The following PTPRD variants were observed in gnomAD, a reference collection of about 807,000 sequenced individuals.
PTPRD encodes the protein receptor-type tyrosine-protein phosphatase delta.
A neutral mutation model predicts 214.5 loss-of-function variants in PTPRD; 34 were observed. The observed-to-expected ratio is 0.16, with a 90% CI of 0.12 to 0.21. The LOEUF (loss-of-function observed/expected upper bound fraction) is 0.21. Among genes scored for constraint, PTPRD ranks in the 10% least tolerant of loss-of-function variants. The probability of loss-of-function intolerance (pLI) is 1.00; values close to 1 mark genes in which losing one functional copy is unlikely to be tolerated. For missense variants in PTPRD, 2,545 were observed against 2,398.7 expected (o/e 1.06, Z -1.27); for synonymous variants, 1,128 against 845.7 (o/e 1.33, Z -5.79).
At chr9:10,241,053 TC>T (rs1234582543) in intron 3 of PTPRD, among the ~76,000 whole-genome samples, 1 of 151,652 alleles carries the variant, frequency 6.6e-6, no homozygotes, top group Non-Finnish European at 1.5e-5. Context: ...AACAGACATT[TC>T]ACCAAAAATA....
chr9:8,989,075 G>GT (rs1555659810), intron 11 of PTPRD, among the ~76,000 whole-genome samples: 2 of 151,860 alleles, frequency 1.3e-5, no homozygotes, highest in Non-Finnish European at 2.9e-5. Context: ...CTATGTCTCA[G>GT]TTTTTTTATT....
chr9:8,554,611 G>C (rs1201391789), intron 14 of PTPRD, among the ~76,000 whole-genome samples: 1 of 152,194 alleles, frequency 6.6e-6, no homozygotes, highest in African/African-American at 2.4e-5. Context: ...TGGACTTTGA[G>C]TGCCAGGCTA....
intron 5 of PTPRD, among the ~76,000 whole-genome samples, chr9:9,779,808 G>C (rs1222758271): frequency 6.6e-6 from 1 of 152,184 alleles, no homozygotes; most frequent in East Asian, 1.9e-4. Flanking sequence ...ATGTAAATTA[G>C]TATGTAAATT....
chr9:10,212,008 A>G (rs894191899), intron 3 of PTPRD, among the ~76,000 whole-genome samples: 14 of 152,258 alleles, frequency 9.2e-5, no homozygotes, highest in Admixed American at 7.2e-4. Context: ...TGAATGTTGG[A>G]TAAAATTTGA....
chr9:10,325,920 A>T (rs2096634738), intron 3 of PTPRD, among the ~76,000 whole-genome samples: 1 of 151,822 alleles, frequency 6.6e-6, no homozygotes, highest in South Asian at 2.1e-4. Flanking sequence ...TTTACACCCC[A>T]CTGTAATAAT....
At chr9:8,914,716 A>G (rs944186392) in intron 11 of PTPRD, among the ~76,000 whole-genome samples, 1 of 152,212 alleles carries the variant, frequency 6.6e-6, no homozygotes, top group African/African-American at 2.4e-5. Flanking sequence ...ATTTTAAACA[A>G]TTTGAAGTGT....
chr9:10,375,125 G>A (rs549227832), intron 2 of PTPRD, among the ~76,000 whole-genome samples: 1 of 152,116 alleles, frequency 6.6e-6, no homozygotes, highest in South Asian at 2.1e-4. Context: ...GAAAAAAATA[G>A]ACAATTTACT....
At chr9:9,799,655 G>C (rs1385322949) in intron 5 of PTPRD, 1 of 152,088 alleles carries the variant, frequency 6.6e-6, no homozygotes, top group Non-Finnish European at 1.5e-5. Context: ...AGACCGAACT[G>C]TCTCTTTACA....
intron 12 of PTPRD, among the ~76,000 whole-genome samples, chr9:8,715,660 A>G (rs1422406086): frequency 1.3e-5 from 2 of 152,192 alleles, no homozygotes; most frequent in Non-Finnish European, 2.9e-5. Flanking sequence ...AGTCAGGCCA[A>G]CGATCTACCA....
intron 7 of PTPRD, among the ~76,000 whole-genome samples, chr9:9,719,100 C>G (rs2097888258): frequency 6.6e-6 from 1 of 152,136 alleles, no homozygotes; most frequent in Non-Finnish European, 1.5e-5. Context: ...TGTCCATGGC[C>G]ACTCACTGAC....
At chr9:10,514,028 G>C (rs1175351919) in intron 2 of PTPRD, among the ~76,000 whole-genome samples, 1 of 152,124 alleles carries the variant, frequency 6.6e-6, no homozygotes. Context: ...AAGCTTTGTA[G>C]ATCAGTATTA....
chr9:10,587,154 A>G (rs142014913), intron 2 of PTPRD, among the ~76,000 whole-genome samples: 1 of 152,224 alleles, frequency 6.6e-6, no homozygotes, highest in African/African-American at 2.4e-5. Context: ...TGTGACAGGT[A>G]ATACACAAAC....
intron 11 of PTPRD, among the ~76,000 whole-genome samples, chr9:8,980,927 T>G (rs1245965758): frequency 6.6e-6 from 1 of 152,080 alleles, no homozygotes; most frequent in East Asian, 1.9e-4. Context: ...TTGTTTAGAT[T>G]TGCATGAAGA....
intron 5 of PTPRD, among the ~76,000 whole-genome samples, chr9:9,882,715 T>G (rs1415798191): frequency 2.0e-5 from 3 of 151,968 alleles, no homozygotes; most frequent in Non-Finnish European, 4.4e-5. Context: ...CTTGTCCACA[T>G]GACCCTCCCC....
intron 9 of PTPRD, among the ~76,000 whole-genome samples, chr9:9,186,893 T>C (rs1309711751): frequency 3.9e-5 from 6 of 152,006 alleles, no homozygotes; most frequent in African/African-American, 1.4e-4. Flanking sequence ...CACATAAAAA[T>C]ATTTAGATTT....
chr9:9,483,533 G>C (rs942015974), intron 8 of PTPRD, among the ~76,000 whole-genome samples: 2 of 152,104 alleles, frequency 1.3e-5, no homozygotes, highest in African/African-American at 4.8e-5. Flanking sequence ...GCTTACTAGA[G>C]TCTAAAGACA....
chr9:10,468,636 T>C (rs2099010289), intron 2 of PTPRD, among the ~76,000 whole-genome samples: 2 of 152,022 alleles, frequency 1.3e-5, no homozygotes, highest in African/African-American at 4.8e-5. Flanking sequence ...ATCCCAGAAC[T>C]TAAAATATAA....
At chr9:9,972,853 G>C (rs1259238402) in intron 4 of PTPRD, among the ~76,000 whole-genome samples, 1 of 152,036 alleles carries the variant, frequency 6.6e-6, no homozygotes, top group African/African-American at 2.4e-5. Context: ...CTTATAAGGA[G>C]CCTTCTGATT....
At chr9:10,463,903 T>G (rs181421121) in intron 2 of PTPRD, among the ~76,000 whole-genome samples, 1 of 152,312 alleles carries the variant, frequency 6.6e-6, no homozygotes, top group African/African-American at 2.4e-5. Flanking sequence ...CCTTTTATTC[T>G]GCAGAGGTTG....
Sources: gnomAD v4.1 joint callset for allele counts (sites outside exome capture counted in the v4.1 genomes callset) on GRCh38, gnomAD v4.1.1 for gene constraint, MANE v1.5 for transcripts, NCBI Gene and HGNC (gene_info 2026-07-23, HGNC 2026-07-21) for gene names.